WDR26: variants seen among roughly 807,000 people sequenced by gnomAD.
WDR26 encodes the protein WD repeat-containing protein 26.
In WDR26, 5 loss-of-function variants were observed where a neutral mutation model predicts 84.1. The observed-to-expected ratio is 0.06, with a 90% CI of 0.03 to 0.13. The LOEUF is 0.13. Ranked by LOEUF, WDR26 falls within the 10% of genes least tolerant of loss-of-function variation. WDR26 has a pLI of 1.00. For missense variants in WDR26, 642 were observed against 974.9 expected, an observed-to-expected ratio of 0.66 and a Z score of 4.55; for synonymous variants, 415 against 389.6, an observed-to-expected ratio of 1.07 and a Z score of -0.77.
chr1:224,433,814 TGGCGGAGGC>T lies in WDR26; in HGVS notation c.583_591del (p.Ala195_Ala197del). 1 of 1,536,796 alleles carries T rather than the reference TGGCGGAGGC, an allele frequency of 6.5e-7. No homozygotes were observed. Among genetic ancestry groups the T allele is most frequent in the Non-Finnish European group, 8.7e-7 (1 of 1,146,756 alleles). On this transcript the variant is annotated inframe_deletion, in exon 1 of 14. Coordinates refer to ENST00000414423, the MANE Select transcript of WDR26 (RefSeq NM_001379403.1). ...GCCAAGGAAGAGGAGGCGGCGGTGG[TGGCGGAGGC>T]AGCTGCGACGGTGGCTGAGGATGCG...
chr1:224,396,175 T>C (rs990709413), intron 12 of WDR26, among the ~76,000 whole-genome samples: 4 of 152,192 alleles, frequency 2.6e-5, no homozygotes, highest in African/African-American at 9.6e-5. Context: ...TGGTCTAATT[T>C]GTAGCCCTAA....
intron 13 of WDR26, among the ~76,000 whole-genome samples, chr1:224,393,054 A>C (rs1238031300): frequency 6.6e-6 from 1 of 152,172 alleles, no homozygotes; most frequent in East Asian, 1.9e-4. Context: ...TGTAGTACTG[A>C]TATATCATGT....
intron 13 of WDR26, among the ~76,000 whole-genome samples, chr1:224,393,609 A>G (rs1213586518): frequency 6.6e-6 from 1 of 152,218 alleles, no homozygotes; most frequent in Admixed American, 6.5e-5. Flanking sequence ...ATCATATTCC[A>G]GCTTATTCTT....
chr1:224,434,705 CG>C lies in WDR26; in HGVS notation c.-301del. 1.1e-6 allele frequency: 1 copy of C among 945,348 alleles called. No homozygotes were observed. The highest frequency in any genetic ancestry group is 1.3e-6 in the Non-Finnish European group (1 of 794,582). 58.6% of individuals were successfully genotyped at this position (945,348 alleles called of 1,614,324 possible). On this transcript the variant is annotated 5_prime_UTR_variant, in exon 1 of 14. Transcript: ENST00000414423. Reference sequence around the variant, plus strand: ...GCAGTGGCTGCGGCGGCGGCGGCGGCGGGCGGCAGCGGAGGCAGCTGCCGCC... The same window carrying C: ...GCAGTGGCTGCGGCGGCGGCGGCGGCGGCGGCAGCGGAGGCAGCTGCCGCC...
At chr1:224,395,092 A>T (rs1218424200) in intron 12 of WDR26, among the ~76,000 whole-genome samples, 3 of 152,240 alleles carry the variant, frequency 2.0e-5, no homozygotes, top group African/African-American at 7.2e-5. Flanking sequence ...CTCTGGAATC[A>T]GACTACTCAA....
intron 3 of WDR26, among the ~76,000 whole-genome samples, chr1:224,429,050 T>C (rs946895989): frequency 2.6e-5 from 4 of 151,764 alleles, no homozygotes; most frequent in Non-Finnish European, 5.9e-5. Context: ...GATCACAAGG[T>C]CAGGAGTTCG....
At chr1:224,391,479 TG>T (rs1388648364) in intron 13 of WDR26, among the ~76,000 whole-genome samples, 1 of 152,000 alleles carries the variant, frequency 6.6e-6, no homozygotes, top group Non-Finnish European at 1.5e-5. Flanking sequence ...TGGAGTTGAG[TG>T]TATTTTTATT....
chr1:224,429,352 C>G (rs917871590), intron 3 of WDR26: 3 of 151,342 alleles, frequency 2.0e-5, no homozygotes, highest in Non-Finnish European at 4.4e-5. Flanking sequence ...AACATTCAGG[C>G]TTAAAAAATA....
chr1:224,398,619 A>G, intron 10 of WDR26, 26 bp from the exon 11 acceptor site: 1 of 1,560,006 alleles, frequency 6.4e-7, no homozygotes, highest in East Asian at 2.2e-5. Context: ...AATTTGTCAA[A>G]AACAACATAT....
intron 5 of WDR26, 189 bp downstream of exon 5, chr1:224,419,329 T>C (rs1019371927): frequency 3.4e-4 from 184 of 544,572 alleles, no homozygotes; most frequent in Non-Finnish European, 5.2e-4. Flanking sequence ...CTGGAACCAG[T>C]GCCCTTTCAC....
rs73125526 is a variant in WDR26 at position 224,398,632 on chromosome 1, A to G, written c.1866-39T>C. On this transcript the variant is annotated intron_variant, in intron 10 of 13. Transcript: ENST00000414423. ...ATAATTTGTCAAAAACAACATATTA[A>G]CAGTCAAGACATTCAAATTATCAAT... is the stretch of plus-strand genomic sequence containing the variant. The G allele has an allele frequency of 0.019, 28,854 of 1,514,518 alleles. 3,439 individuals are homozygous for G. The African/African-American group carries it at 0.3, about 16-fold the overall frequency. The allele number at this position is 1,514,518 out of a possible 1,614,324, so 93.8% of individuals were successfully genotyped here. A position where few individuals can be genotyped will look rare whatever the true frequency, so the allele number is the denominator to read the frequency against.
At position 224,413,174 on chromosome 1, in the gene WDR26, G is replaced by A. The variant is rs541953490; in HGVS notation, c.1320-1609C>T. 4 of 606,640 alleles carry A rather than the reference G, an allele frequency of 6.6e-6. No individual in the cohort carries two copies. In the South Asian group the frequency reaches 1.0e-4, roughly 16 times the overall value. The allele number at this position is 606,640 out of a possible 1,614,324, so 37.6% of individuals were successfully genotyped here. A position where few individuals can be genotyped will look rare whatever the true frequency, so the allele number is the denominator to read the frequency against. On this transcript the variant is annotated intron_variant, in intron 6 of 13. Coordinates refer to ENST00000414423, the MANE Select transcript of WDR26 (RefSeq NM_001379403.1). ...ACTCCACTCCAGCCTGGGTGACAGAGTGAGATAGTCTCAAACAACAACAAC... is the reference window on the plus strand; with the variant it reads ...ACTCCACTCCAGCCTGGGTGACAGAATGAGATAGTCTCAAACAACAACAAC...
In WDR26 at chr1:224,434,064, G is replaced by A; in HGVS notation, c.342C>T (p.Gly114=). 1 of 1,447,700 alleles carries A rather than the reference G, an allele frequency of 6.9e-7. No individual in the cohort carries two copies. Among genetic ancestry groups the A allele is most frequent in the Non-Finnish European group, 9.0e-7 (1 of 1,104,982 alleles). 89.7% of individuals were successfully genotyped at this position (1,447,700 alleles called of 1,614,324 possible). ...CGCCCCCTCCTCCTCCACCGCCGCC[G>A]CCGCCACCTCCTCCTCCTCCTCCTG... The change falls in exon 1 of 14, where the codon GGC becomes GGT. Residue 114 remains glycine, a synonymous_variant. Coordinates refer to ENST00000414423, the MANE Select transcript of WDR26 (RefSeq NM_001379403.1).
At chr1:224,422,505 C>T (rs1462397872) in intron 4 of WDR26, among the ~76,000 whole-genome samples, 1 of 152,156 alleles carries the variant, frequency 6.6e-6, no homozygotes, top group Non-Finnish European at 1.5e-5. Context: ...CACCTGAGGT[C>T]AGAAGTTCGA....
chr1:224,423,683 G>C (rs1328480736), intron 4 of WDR26, among the ~76,000 whole-genome samples: 3 of 152,220 alleles, frequency 2.0e-5, no homozygotes, highest in Non-Finnish European at 4.4e-5. Flanking sequence ...AGAAACTAGA[G>C]GTGGCAGTGA....
chr1:224,421,008 C>A (rs1219746910), intron 4 of WDR26, among the ~76,000 whole-genome samples: 1 of 152,064 alleles, frequency 6.6e-6, no homozygotes, highest in African/African-American at 2.4e-5. Context: ...ACAAAAGTGA[C>A]TTAGAATTGC....
At chr1:224,407,826 T>C (rs1481320849) in intron 7 of WDR26, among the ~76,000 whole-genome samples, 1 of 151,974 alleles carries the variant, frequency 6.6e-6, no homozygotes, top group East Asian at 1.9e-4. Flanking sequence ...ACACATATTT[T>C]CTTATAATTT....
At chr1:224,414,057 C>G (rs552227253) in intron 6 of WDR26, among the ~76,000 whole-genome samples, 2 of 151,962 alleles carry the variant, frequency 1.3e-5, no homozygotes, top group African/African-American at 4.8e-5. Flanking sequence ...CGTGATCCAG[C>G]CACTTTGGCC....
intron 6 of WDR26, 110 bp downstream of exon 6, chr1:224,418,150 C>T (rs1572198355): frequency 1.2e-6 from 1 of 862,220 alleles, no homozygotes; most frequent in South Asian, 3.2e-5. Context: ...TGAACAAATG[C>T]TAAATCAGAC....
Sources: gnomAD v4.1 joint callset for allele counts (sites outside exome capture counted in the v4.1 genomes callset) on GRCh38, gnomAD v4.1.1 for gene constraint, MANE v1.5 for transcripts, NCBI Gene and HGNC (gene_info 2026-07-23, HGNC 2026-07-21) for gene names.